The following ADGRL3 variants were observed in gnomAD, a reference collection of about 807,000 sequenced individuals.
ADGRL3 encodes calcium-independent alpha-latrotoxin receptor 3.
ADGRL3 carries 62 observed loss-of-function variants against 153.5 expected under a neutral mutation model. The ratio of observed to expected loss-of-function variants is 0.40; its 90% CI spans 0.33 to 0.50. The LOEUF is 0.50. ADGRL3 is among the 20% of genes least tolerant of loss of function. The pLI is 0.47. For missense variants in ADGRL3, 1,641 were observed against 1,859.4 expected (o/e 0.88, Z 2.16); for synonymous variants, 710 against 672.5 (o/e 1.06, Z -0.86).
chr4:62,066,505 T>C (rs1743061123), intron 25 of ADGRL3, among the ~76,000 whole-genome samples: 1 of 152,102 alleles, frequency 6.6e-6, no homozygotes, highest in African/African-American at 2.4e-5. Context: ...TCTGGAAATA[T>C]TTTAAATTTC....
At chr4:61,833,931 T>C (rs1041775384) in intron 9 of ADGRL3, among the ~76,000 whole-genome samples, 2 of 151,394 alleles carry the variant, frequency 1.3e-5, no homozygotes, top group African/African-American at 2.4e-5. Context: ...TTTCACTGTC[T>C]CAGTCATAAT....
At chr4:61,552,141 C>T (rs755316821) in intron 4 of ADGRL3, among the ~76,000 whole-genome samples, 2 of 147,830 alleles carry the variant, frequency 1.4e-5, no homozygotes, top group African/African-American at 5.0e-5. Context: ...CCAATAAACA[C>T]AGAAGCAACT....
At chr4:61,351,770 AAAG>A (rs1407909056) in intron 1 of ADGRL3, among the ~76,000 whole-genome samples, 1 of 152,146 alleles carries the variant, frequency 6.6e-6, no homozygotes, top group African/African-American at 2.4e-5. Context: ...AGAAAAAGAA[AAAG>A]AAGAAAAAAT....
At chr4:61,832,524 C>T (rs2097883658) in intron 9 of ADGRL3, among the ~76,000 whole-genome samples, 1 of 152,134 alleles carries the variant, frequency 6.6e-6, no homozygotes, top group Non-Finnish European at 1.5e-5. Flanking sequence ...TCCAGAAAGA[C>T]CATCAGACCT....
At chr4:62,011,116 C>A (rs1042093586) in intron 21 of ADGRL3, among the ~76,000 whole-genome samples, 9 of 152,064 alleles carry the variant, frequency 5.9e-5, no homozygotes, top group African/African-American at 2.2e-4. Context: ...ACTGTACATT[C>A]AAAAATAAAG....
chr4:61,472,545 A>T (rs2097973538), intron 2 of ADGRL3, among the ~76,000 whole-genome samples: 1 of 151,996 alleles, frequency 6.6e-6, no homozygotes, highest in Non-Finnish European at 1.5e-5. Context: ...AAGCCTTAGT[A>T]TTTTTGTTAT....
chr4:61,625,109 G>C (rs549937784), intron 5 of ADGRL3, among the ~76,000 whole-genome samples: 1 of 152,116 alleles, frequency 6.6e-6, no homozygotes, highest in East Asian at 1.9e-4. Flanking sequence ...TGTGAACTTT[G>C]ACTCTTGTAT....
chr4:62,006,254 T>C (rs1476713229), intron 21 of ADGRL3, among the ~76,000 whole-genome samples: 1 of 151,716 alleles, frequency 6.6e-6, no homozygotes, highest in Non-Finnish European at 1.5e-5. Flanking sequence ...CAGACTGGTC[T>C]CGAATTCCTG....
At chr4:61,543,865 T>C (rs1184976343) in intron 4 of ADGRL3, among the ~76,000 whole-genome samples, 1 of 152,180 alleles carries the variant, frequency 6.6e-6, no homozygotes, top group East Asian at 1.9e-4. Flanking sequence ...TTCAACATAT[T>C]CCATTATTTG....
Position 62,044,446 on chromosome 4 carries a change from C to A in ADGRL3, c.3718-7C>A. 1 of 1,576,012 alleles carries A rather than the reference C, an allele frequency of 6.3e-7. No homozygotes were observed. The highest frequency in any genetic ancestry group is 8.6e-7 in the Non-Finnish European group (1 of 1,158,616). On this transcript the variant is annotated splice_region_variant and splice_polypyrimidine_tract_variant and intron_variant, in intron 24 of 26. Coordinates refer to ENST00000683033, the MANE Select transcript of ADGRL3 (RefSeq NM_001387552.1). ...TTCATTTTCTTTCTGCCTTTTCCCC[C>A]ACCCAGAGCCGAATCCGTAGAATGT...
chr4:61,610,926 T>A (rs918560663), intron 5 of ADGRL3, among the ~76,000 whole-genome samples: 1 of 152,174 alleles, frequency 6.6e-6, no homozygotes, highest in East Asian at 1.9e-4. Flanking sequence ...CAACTACTTA[T>A]CAAGATCTTT....
At chr4:61,681,004 A>G (rs138975677) in intron 6 of ADGRL3, among the ~76,000 whole-genome samples, 48 of 152,114 alleles carry the variant, frequency 3.2e-4, no homozygotes, top group South Asian at 3.1e-3. Flanking sequence ...AGGAGGTTTG[A>G]TGTTCTTCCT....
intron 8 of ADGRL3, among the ~76,000 whole-genome samples, chr4:61,799,260 T>C (rs2097458406): frequency 1.3e-5 from 2 of 151,818 alleles, no homozygotes; most frequent in African/African-American, 4.8e-5. Flanking sequence ...CACATATTAG[T>C]TCCTTTACTA....
chr4:61,297,579 T>G (rs1157626009), intron 1 of ADGRL3, among the ~76,000 whole-genome samples: 1 of 152,128 alleles, frequency 6.6e-6, no homozygotes, highest in Admixed American at 6.6e-5. Context: ...TTTTCCTTGT[T>G]TTTTACTTGA....
At chr4:61,457,381 T>G (rs550749111) in intron 2 of ADGRL3, among the ~76,000 whole-genome samples, 1 of 152,064 alleles carries the variant, frequency 6.6e-6, no homozygotes, top group South Asian at 2.1e-4. Flanking sequence ...ACTTACCTTT[T>G]CATACATTAA....
chr4:61,526,142 G>A (rs1253595683), intron 4 of ADGRL3, among the ~76,000 whole-genome samples: 2 of 152,178 alleles, frequency 1.3e-5, no homozygotes, highest in African/African-American at 4.8e-5. Context: ...CTTACGCTTC[G>A]CCCCTTGGCC....
chr4:61,577,905 TA>T (rs1312566763), intron 4 of ADGRL3, among the ~76,000 whole-genome samples: 1 of 152,008 alleles, frequency 6.6e-6, no homozygotes, highest in Non-Finnish European at 1.5e-5. Flanking sequence ...ATTAGTACAG[TA>T]GATTTTTATA....
At chr4:61,303,470 T>C (rs1050147740) in intron 1 of ADGRL3, among the ~76,000 whole-genome samples, 1 of 152,116 alleles carries the variant, frequency 6.6e-6, no homozygotes, top group African/African-American at 2.4e-5. Flanking sequence ...TTTTTTTTTT[T>C]CTTCACTAAC....
At chr4:61,777,867 T>C (rs935949988) in intron 8 of ADGRL3, among the ~76,000 whole-genome samples, 4 of 152,168 alleles carry the variant, frequency 2.6e-5, no homozygotes, top group African/African-American at 9.7e-5. Flanking sequence ...CCTGAAAAAG[T>C]ATGTAACACA....
Sources: allele counts gnomAD v4.1 joint callset (sites outside exome capture counted in the v4.1 genomes callset), GRCh38; gene constraint gnomAD v4.1.1; transcripts MANE v1.5; gene names NCBI Gene and HGNC (gene_info 2026-07-23, HGNC 2026-07-21).